GRID2: variants seen among roughly 807,000 people sequenced by gnomAD.
The protein encoded by GRID2 is glutamate receptor ionotropic, delta-2.
A neutral mutation model predicts 114.8 loss-of-function variants in GRID2; 33 were observed. The observed-to-expected ratio is 0.29, with a 90% CI of 0.22 to 0.38. The LOEUF is 0.38. Ranked by LOEUF, GRID2 falls within the 10% of genes least tolerant of loss-of-function variation. The pLI, the probability that GRID2 is intolerant of heterozygous loss-of-function variation, is 1.00. For missense variants in GRID2, 1,184 were observed against 1,257.7 expected (o/e 0.94, Z 0.89); for synonymous variants, 505 against 449.9 (o/e 1.12, Z -1.55).
At chr4:93,763,096 C>T (rs1196469557) in intron 14 of GRID2, among the ~76,000 whole-genome samples, 1 of 152,100 alleles carries the variant, frequency 6.6e-6, no homozygotes, top group Non-Finnish European at 1.5e-5. Flanking sequence ...CCAAGCCCAT[C>T]CCACCTCAAA....
At chr4:93,142,196 G>A (rs1008222260) in intron 4 of GRID2, among the ~76,000 whole-genome samples, 2 of 152,126 alleles carry the variant, frequency 1.3e-5, no homozygotes, top group Admixed American at 1.3e-4. Context: ...CTGGTTGATG[G>A]AGCGGGACCC....
intron 1 of GRID2, among the ~76,000 whole-genome samples, chr4:92,326,032 C>T (rs953113716): frequency 6.6e-6 from 1 of 151,506 alleles, no homozygotes; most frequent in Non-Finnish European, 1.5e-5. Flanking sequence ...AGTATGCTTA[C>T]ATGAAAAAAA....
At chr4:92,542,445 A>AG in intron 1 of GRID2, among the ~76,000 whole-genome samples, 1 of 152,358 alleles carries the variant, frequency 6.6e-6, no homozygotes, top group East Asian at 1.9e-4. Flanking sequence ...AGCCATAAAA[A>AG]GAAAAAATGT....
intron 14 of GRID2, among the ~76,000 whole-genome samples, chr4:93,761,186 C>T (rs1733176394): frequency 1.3e-5 from 2 of 152,146 alleles, no homozygotes; most frequent in South Asian, 4.1e-4. Flanking sequence ...ACAGATATTA[C>T]TACATGTTAA....
At chr4:92,518,775 T>G (rs1724630079) in intron 1 of GRID2, among the ~76,000 whole-genome samples, 1 of 151,926 alleles carries the variant, frequency 6.6e-6, no homozygotes, top group African/African-American at 2.4e-5. Context: ...TTAAATGCAG[T>G]CATTTACTAG....
intron 1 of GRID2, among the ~76,000 whole-genome samples, chr4:92,524,596 G>T (rs369849015): frequency 6.6e-6 from 1 of 151,280 alleles, no homozygotes; most frequent in African/African-American, 2.4e-5. Context: ...GGACCTCCCC[G>T]AAAAATCCAG....
At chr4:93,091,040 T>A (rs1309046573) in intron 3 of GRID2, among the ~76,000 whole-genome samples, 2 of 152,154 alleles carry the variant, frequency 1.3e-5, no homozygotes, top group African/African-American at 4.8e-5. Flanking sequence ...GTAAATAAAA[T>A]TCCATTGGAA....
chr4:92,579,269 T>G (rs1388890529), intron 1 of GRID2, among the ~76,000 whole-genome samples: 1 of 152,136 alleles, frequency 6.6e-6, no homozygotes, highest in Non-Finnish European at 1.5e-5. Flanking sequence ...TTTCAATATG[T>G]GTTTAAAAGG....
chr4:93,406,584 T>C (rs1766448900), intron 9 of GRID2, among the ~76,000 whole-genome samples: 1 of 152,132 alleles, frequency 6.6e-6, no homozygotes. Flanking sequence ...TCGCCAGAGC[T>C]CACACATGAT....
chr4:93,101,019 T>A (rs1479952844), intron 3 of GRID2, among the ~76,000 whole-genome samples: 1 of 152,048 alleles, frequency 6.6e-6, no homozygotes, highest in Non-Finnish European at 1.5e-5. Flanking sequence ...GATAATATAC[T>A]CCATGAGGGC....
At chr4:93,017,806 GAAAAAAA>G (rs796967580) in intron 2 of GRID2, among the ~76,000 whole-genome samples, 1 of 49,304 alleles carries the variant, frequency 2.0e-5, no homozygotes, top group South Asian at 7.6e-4. Flanking sequence ...TCCTTTTCAA[GAAAAAAA>G]AAAAAAAAAG....
chr4:93,233,146 G>A (rs538942469), intron 7 of GRID2, among the ~76,000 whole-genome samples: 5 of 152,052 alleles, frequency 3.3e-5, no homozygotes, highest in Admixed American at 3.3e-4. Flanking sequence ...ATGTTTCTAG[G>A]CTTGTAGGAA....
rs1487619216 is a variant in GRID2, at chr4:93,209,647, CT to C, written c.789+2194del. Reference sequence around the variant, plus strand: ...ATTGCTGGGTGAAATGGTAGTTCTGCTTTTAGGTCTCTGAGGAAATCACCAA... The same window carrying C: ...ATTGCTGGGTGAAATGGTAGTTCTGCTTTAGGTCTCTGAGGAAATCACCAA... On this transcript the variant is annotated intron_variant, in intron 5 of 15. Transcript: ENST00000282020. Among the ~76,000 whole-genome samples, 5 of 152,028 alleles carry C rather than the reference CT, an allele frequency of 3.3e-5. No homozygotes were observed. The East Asian group carries it at 9.7e-4, about 29-fold the overall frequency.
chr4:92,585,886 C>A (rs900534024), intron 1 of GRID2, among the ~76,000 whole-genome samples: 4 of 151,822 alleles, frequency 2.6e-5, no homozygotes, highest in African/African-American at 7.3e-5. Flanking sequence ...CGTAATAATG[C>A]CTGTGACAAC....
At chr4:93,767,945 C>T (rs999940468) in intron 14 of GRID2, among the ~76,000 whole-genome samples, 1 of 152,148 alleles carries the variant, frequency 6.6e-6, no homozygotes, top group Non-Finnish European at 1.5e-5. Context: ...GACAAATATA[C>T]CTTCATGACC....
At chr4:92,651,199 A>G (rs1305158299) in intron 2 of GRID2, among the ~76,000 whole-genome samples, 1 of 152,072 alleles carries the variant, frequency 6.6e-6, no homozygotes, top group Non-Finnish European at 1.5e-5. Context: ...AATAAAGATA[A>G]AACACTGCCC....
intron 1 of GRID2, among the ~76,000 whole-genome samples, chr4:92,492,333 C>T (rs923617999): frequency 6.6e-6 from 1 of 152,044 alleles, no homozygotes; most frequent in Non-Finnish European, 1.5e-5. Flanking sequence ...AGATTTTAAC[C>T]GTCCCCAATG....
chr4:93,156,265 T>TA (rs537554978), intron 4 of GRID2, among the ~76,000 whole-genome samples: 4 of 151,988 alleles, frequency 2.6e-5, no homozygotes, highest in African/African-American at 9.6e-5. Context: ...AGAGAGGACT[T>TA]ACTTGAATAC....
intron 14 of GRID2, among the ~76,000 whole-genome samples, chr4:93,647,328 A>G (rs1268620646): frequency 6.6e-6 from 1 of 152,184 alleles, no homozygotes; most frequent in Non-Finnish European, 1.5e-5. Flanking sequence ...TTTATCTCAC[A>G]TAGCGACATA....
Sources: gnomAD v4.1 joint callset for allele counts (sites outside exome capture counted in the v4.1 genomes callset) on GRCh38, gnomAD v4.1.1 for gene constraint, MANE v1.5 for transcripts, NCBI Gene and HGNC (gene_info 2026-07-23, HGNC 2026-07-21) for gene names.